Variants in FILIP1L observed in about 807,000 individuals in gnomAD.
FILIP1L encodes the protein filamin A-interacting protein 1-like.
Under a neutral mutation model 96.6 loss-of-function variants are expected in FILIP1L, and 55 were observed. That is an observed-to-expected ratio of 0.57 (90% CI 0.46 to 0.71). FILIP1L has a LOEUF of 0.71. Ranked by LOEUF, FILIP1L falls within the 30% of genes least tolerant of loss-of-function variation. The pLI is 0.00. For synonymous variants in FILIP1L, 467 were observed against 473.9 expected (o/e 0.99, Z 0.19); for missense variants, 1,304 against 1,321.2 (o/e 0.99, Z 0.20).
At chr3:100,107,490 A>G (rs981734890) in intron 1 of FILIP1L, among the ~76,000 whole-genome samples, 15 of 152,158 alleles carry the variant, frequency 9.9e-5, no homozygotes, top group African/African-American at 3.6e-4. Flanking sequence ...TTCCTTCCGC[A>G]CATTTGGCAG....
At chr3:99,843,469 G>A (rs190418253) in intron 5 of FILIP1L, among the ~76,000 whole-genome samples, 1 of 152,296 alleles carries the variant, frequency 6.6e-6, no homozygotes, top group East Asian at 1.9e-4. Context: ...TACTACAGAT[G>A]TAATTTAAAG....
intron 1 of FILIP1L, among the ~76,000 whole-genome samples, chr3:100,059,459 G>C (rs1376153510): frequency 6.6e-6 from 1 of 152,136 alleles, no homozygotes; most frequent in Non-Finnish European, 1.5e-5. Flanking sequence ...CTTTCATTCA[G>C]GAAGCATTTT....
chr3:99,950,536 C>T (rs760208892), intron 1 of FILIP1L, among the ~76,000 whole-genome samples: 14 of 152,226 alleles, frequency 9.2e-5, no homozygotes, highest in Middle Eastern at 6.8e-3. Context: ...ACTTTCCTTC[C>T]TTTTCAGCTA....
intron 4 of FILIP1L, among the ~76,000 whole-genome samples, chr3:99,877,793 T>C (rs1029733921): frequency 6.6e-6 from 1 of 152,210 alleles, no homozygotes; most frequent in Non-Finnish European, 1.5e-5. Flanking sequence ...ATTAAATGAC[T>C]TTTATGAAAG....
chr3:100,021,890 A>C (rs2064823592), intron 1 of FILIP1L, among the ~76,000 whole-genome samples: 1 of 148,742 alleles, frequency 6.7e-6, no homozygotes, highest in Admixed American at 6.7e-5. Flanking sequence ...AACTGTTCTT[A>C]GAATAGCTTG....
At chr3:99,876,482 C>T (rs966237051) in intron 4 of FILIP1L, among the ~76,000 whole-genome samples, 28 of 152,226 alleles carry the variant, frequency 1.8e-4, no homozygotes, top group African/African-American at 6.8e-4. Context: ...CCCTCTGGGT[C>T]CCTAAAGCTG....
At chr3:99,865,511 T>C (rs1234700155) in intron 4 of FILIP1L, among the ~76,000 whole-genome samples, 2 of 152,178 alleles carry the variant, frequency 1.3e-5, no homozygotes, top group African/African-American at 2.4e-5. Flanking sequence ...CTTGAGACAT[T>C]AGCAAATATT....
intron 1 of FILIP1L, among the ~76,000 whole-genome samples, chr3:100,008,561 T>C (rs749023111): frequency 1.8e-4 from 27 of 152,178 alleles, no homozygotes; most frequent in Non-Finnish European, 3.4e-4. Context: ...GCAAAGAATA[T>C]AGTCTTTGAC....
At chr3:99,925,047 C>G (rs1262474032) in intron 3 of FILIP1L, among the ~76,000 whole-genome samples, 1 of 152,178 alleles carries the variant, frequency 6.6e-6, no homozygotes, top group Non-Finnish European at 1.5e-5. Flanking sequence ...GTAAGAGAAT[C>G]CTTGCACGGT....
At chr3:99,857,896 T>C (rs1046394650) in intron 4 of FILIP1L, among the ~76,000 whole-genome samples, 2 of 152,234 alleles carry the variant, frequency 1.3e-5, no homozygotes, top group African/African-American at 2.4e-5. Context: ...ATTCATTTAA[T>C]ATACAAACAA....
chr3:100,045,055 GAT>G (rs2065257747), intron 1 of FILIP1L, among the ~76,000 whole-genome samples: 1 of 152,254 alleles, frequency 6.6e-6, no homozygotes, highest in Non-Finnish European at 1.5e-5. Context: ...AGATGCTTGT[GAT>G]ATATCCAAGG....
At chr3:99,991,088 C>T (rs1345794265) in intron 1 of FILIP1L, among the ~76,000 whole-genome samples, 1 of 152,114 alleles carries the variant, frequency 6.6e-6, no homozygotes, top group East Asian at 1.9e-4. Flanking sequence ...TCAGTCCTGA[C>T]ATAAGACCAA....
At chr3:99,945,901 T>G (rs1559698851) in intron 1 of FILIP1L, among the ~76,000 whole-genome samples, 1 of 152,226 alleles carries the variant, frequency 6.6e-6, no homozygotes, top group Non-Finnish European at 1.5e-5. Context: ...GCCCTTGGGC[T>G]TAGAAGTGCC....
intron 1 of FILIP1L, among the ~76,000 whole-genome samples, chr3:100,099,940 A>G (rs1368858110): frequency 1.3e-5 from 2 of 152,212 alleles, no homozygotes; most frequent in African/African-American, 4.8e-5. Context: ...AGTGTTATAA[A>G]GATCATCCAT....
At chr3:99,997,934 C>T (rs1403434875) in intron 1 of FILIP1L, among the ~76,000 whole-genome samples, 1 of 152,126 alleles carries the variant, frequency 6.6e-6, no homozygotes, top group African/African-American at 2.4e-5. Context: ...CTTAGGATTT[C>T]TACATCAAGA....
At chr3:100,100,168 T>A (rs776734594) in intron 1 of FILIP1L, among the ~76,000 whole-genome samples, 12 of 152,086 alleles carry the variant, frequency 7.9e-5, no homozygotes, top group Non-Finnish European at 1.5e-4. Flanking sequence ...ATGCTGCCAC[T>A]CAGATTTTGG....
intron 1 of FILIP1L, among the ~76,000 whole-genome samples, chr3:100,087,561 T>C (rs2066031642): frequency 6.6e-6 from 1 of 152,188 alleles, no homozygotes; most frequent in Non-Finnish European, 1.5e-5. Context: ...TCAAACCTTT[T>C]GCTTTTTTTG....
At position 100,014,464 on chromosome 3, in the gene FILIP1L, T is replaced by C. The variant is rs533440178; in HGVS notation, c.-10-83434A>G. On this transcript the variant is annotated intron_variant, in intron 1 of 5. Transcript: ENST00000477258. ...TTATAATTTACATTCCCACCAACAG[T>C]GTATAAGAGTTCCCTTTCTCCACAT... Among the ~76,000 whole-genome samples the C allele has an allele frequency of 2.0e-5, 3 of 152,254 alleles. No homozygotes were observed. The East Asian group carries it at 5.8e-4, about 29-fold the overall frequency.
intron 4 of FILIP1L, among the ~76,000 whole-genome samples, chr3:99,860,863 G>T (rs1382385317): frequency 1.3e-5 from 2 of 152,102 alleles, no homozygotes; most frequent in African/African-American, 2.4e-5. Context: ...TTGGACAATG[G>T]ATGTTCATTT....
Sources: gnomAD v4.1 joint callset for allele counts (sites outside exome capture counted in the v4.1 genomes callset) on GRCh38, gnomAD v4.1.1 for gene constraint, MANE v1.5 for transcripts, NCBI Gene and HGNC (gene_info 2026-07-23, HGNC 2026-07-21) for gene names.